The following DNAH3 variants were observed in gnomAD, a reference collection of about 807,000 sequenced individuals.
The protein encoded by DNAH3 is dynein axonemal heavy chain 3, also known as axonemal beta dynein heavy chain 3.
Under a neutral mutation model 432.5 loss-of-function variants are expected in DNAH3, and 332 were observed. The observed-to-expected ratio is 0.77, with a 90% CI of 0.70 to 0.84. The LOEUF (loss-of-function observed/expected upper bound fraction) is 0.84. Ranked by LOEUF, DNAH3 falls within the 40% of genes least tolerant of loss-of-function variation. The pLI is 0.00. For missense variants in DNAH3, 4,861 were observed against 5,114.0 expected (o/e 0.95, Z 1.51); for synonymous variants, 1,956 against 1,900.2 (o/e 1.03, Z -0.76).
chr16:20,991,552 C>T (rs970402945), intron 44 of DNAH3, among the ~76,000 whole-genome samples: 8 of 152,208 alleles, frequency 5.3e-5, no homozygotes, highest in Non-Finnish European at 1.0e-4. Flanking sequence ...ACGTGAGCCT[C>T]TGCACCTGGC....
chr16:21,061,039 A>C (rs1057486254), intron 25 of DNAH3, among the ~76,000 whole-genome samples: 13 of 150,320 alleles, frequency 8.6e-5, no homozygotes, highest in African/African-American at 3.2e-4. Flanking sequence ...TGGTCTCTCT[A>C]TGTTGCCCAG....
At chr16:21,031,066 A>G (rs2088843518) in exon 37 of DNAH3, 1 of 1,614,074 alleles carries the variant, frequency 6.2e-7, no homozygotes, top group Non-Finnish European at 8.5e-7. Context: ...CATCCAGAAC[A>G]GTGTTCATAT....
intron 31 of DNAH3, among the ~76,000 whole-genome samples, chr16:21,048,642 T>A (rs2089822536): frequency 6.6e-6 from 1 of 151,704 alleles, no homozygotes; most frequent in Non-Finnish European, 1.5e-5. Flanking sequence ...GTCTTCTTCG[T>A]CGCTCACGCT....
At chr16:21,118,439 A>C (rs1353577970) in intron 11 of DNAH3, among the ~76,000 whole-genome samples, 1 of 150,052 alleles carries the variant, frequency 6.7e-6, no homozygotes, top group Non-Finnish European at 1.5e-5. Context: ...CTTTTTATTT[A>C]TTTATTTTTT....
intron 25 of DNAH3, 151 bp from the exon 26 acceptor site, chr16:21,060,507 TTTTTTTC>T (rs1276847947): frequency 1.9e-6 from 1 of 525,144 alleles, no homozygotes; most frequent in Non-Finnish European, 3.3e-6. Context: ...CTCCCCGTTC[TTTTTTTC>T]TTTTTTTTTT....
intron 42 of DNAH3, among the ~76,000 whole-genome samples, chr16:21,001,222 G>A (rs374577516): frequency 2.2e-4 from 34 of 152,116 alleles, no homozygotes; most frequent in East Asian, 1.2e-3. Context: ...GCCGGGTCTC[G>A]GGCTCCTGGA....
At chr16:21,062,430 C>T in intron 25 of DNAH3, 52 bp downstream of exon 25, 1 of 1,511,362 alleles carries the variant, frequency 6.6e-7, no homozygotes. Flanking sequence ...AATACGCTCT[C>T]TGATTTACTC....
chr16:20,963,203 C>A, intron 53 of DNAH3, 81 bp downstream of exon 53: 7 of 1,359,100 alleles, frequency 5.2e-6, no homozygotes, highest in Non-Finnish European at 7.1e-6. Flanking sequence ...ACTTGAGATC[C>A]CTGCTGTAAG....
At chr16:20,984,984 A>AG (rs2086118023) in intron 48 of DNAH3, 65 bp downstream of exon 48, 10 of 1,360,570 alleles carry the variant, frequency 7.3e-6, no homozygotes, top group Non-Finnish European at 1.0e-5. Flanking sequence ...TGGCCTGCTC[A>AG]GGGCACTCAG....
chr16:21,128,092 G>A (rs547364512), intron 7 of DNAH3, among the ~76,000 whole-genome samples: 125 of 152,064 alleles, frequency 8.2e-4, no homozygotes, highest in African/African-American at 2.9e-3. Flanking sequence ...TCAAGAAGTG[G>A]GGCTGTGGCA....
At chr16:20,964,425 C>T (rs112955176) in exon 53 of DNAH3, 2 of 1,614,090 alleles carry the variant, frequency 1.2e-6, no homozygotes, top group African/African-American at 1.3e-5. Flanking sequence ...GCCTCATGTA[C>T]TCAACTCCTT....
In DNAH3 at chr16:20,979,551, C is replaced by G. The variant is rs376538076; in HGVS notation, c.7860-5G>C. 1.9e-6 allele frequency: 3 copies of G among 1,613,802 alleles called. No homozygotes were observed. Among genetic ancestry groups the G allele is most frequent in the Non-Finnish European group, 1.7e-6 (2 of 1,179,968 alleles). On this transcript the variant is annotated splice_region_variant and splice_polypyrimidine_tract_variant and intron_variant, in intron 49 of 61. Transcript: ENST00000261383. ...TATTTGCACATGGACACGACCCTGC[C>G]GAGGACACCAAGGCGGTTAGGCAGG... is the stretch of plus-strand genomic sequence containing the variant.
intron 28 of DNAH3, 44 bp downstream of exon 28, chr16:21,054,376 T>G (rs755860487): frequency 7.0e-7 from 1 of 1,431,422 alleles, no homozygotes; most frequent in Non-Finnish European, 9.8e-7. Flanking sequence ...CTAGACTGCT[T>G]CTCCTGGATA....
At chr16:20,969,909 C>A in exon 52 of DNAH3, 2 of 1,614,112 alleles carry the variant, frequency 1.2e-6, no homozygotes, top group Non-Finnish European at 1.7e-6. Context: ...AGCGAGATGT[C>A]GGCCGGGTTC....
chr16:21,020,397 ATTTTT>A (rs56049638), intron 40 of DNAH3, among the ~76,000 whole-genome samples: 6 of 34,576 alleles, frequency 1.7e-4, no homozygotes, highest in East Asian at 1.7e-3. Flanking sequence ...ATATATATAT[ATTTTT>A]TTTTTTTTTT....
exon 26 of DNAH3, chr16:21,060,346 T>G (rs1461084464): frequency 1.2e-6 from 2 of 1,613,634 alleles, no homozygotes; most frequent in African/African-American, 2.7e-5. Context: ...GAGCCACTTT[T>G]CCACCATGCC....
At chr16:20,952,659 G>A in intron 55 of DNAH3, 110 bp from the exon 56 acceptor site, 1 of 722,116 alleles carries the variant, frequency 1.4e-6, no homozygotes. Context: ...CCTCTTTCAG[G>A]CTCATGAATA....
chr16:21,158,011 G>A (rs1188988554), intron 1 of DNAH3, among the ~76,000 whole-genome samples: 3 of 151,848 alleles, frequency 2.0e-5, no homozygotes, highest in Non-Finnish European at 2.9e-5. Context: ...GAATTATTCC[G>A]CCCCAAATGT....
intron 3 of DNAH3, among the ~76,000 whole-genome samples, chr16:21,143,065 C>T (rs1341162431): frequency 2.0e-5 from 3 of 152,162 alleles, no homozygotes; most frequent in Admixed American, 6.5e-5. Flanking sequence ...ACACCAGTGC[C>T]GCTCTGAAGA....
Sources: allele counts gnomAD v4.1 joint callset (sites outside exome capture counted in the v4.1 genomes callset), GRCh38; gene constraint gnomAD v4.1.1; transcripts MANE v1.5; gene names NCBI Gene and HGNC (gene_info 2026-07-23, HGNC 2026-07-21).